The following TK2 variants were observed in gnomAD, a reference collection of about 807,000 sequenced individuals.
TK2 encodes thymidine kinase 2, mitochondrial.
In TK2, 35 loss-of-function variants were observed where a neutral mutation model predicts 41.9. That is an observed-to-expected ratio of 0.84 (90% CI 0.64 to 1.11). The LOEUF (loss-of-function observed/expected upper bound fraction) is 1.11, where lower values mean the gene tolerates loss of function less well. Ranked by LOEUF, TK2 falls within the 50% of genes least tolerant of loss-of-function variation. The pLI, the probability that TK2 is intolerant of heterozygous loss-of-function variation, is 0.00. For missense variants in TK2, 320 were observed against 351.1 expected, an observed-to-expected ratio of 0.91 and a Z score of 0.71; for synonymous variants, 128 against 129.1, an observed-to-expected ratio of 0.99 and a Z score of 0.06.
intron 3 of TK2, among the ~76,000 whole-genome samples, chr16:66,539,549 C>T (rs566359891): frequency 2.2e-4 from 32 of 143,340 alleles, no homozygotes; most frequent in African/African-American, 7.3e-4. Context: ...TGCAGTGAGC[C>T]GAGATCATGC....
chr16:66,544,030 C>T (rs1965534028), intron 2 of TK2, among the ~76,000 whole-genome samples: 1 of 152,172 alleles, frequency 6.6e-6, no homozygotes, highest in Non-Finnish European at 1.5e-5. Flanking sequence ...AAGAGCTCAA[C>T]CTAGACATCA....
intron 9 of TK2, 34 bp from the exon 10 acceptor site, chr16:66,512,100 C>T (rs756423605): frequency 8.9e-6 from 14 of 1,571,710 alleles, no homozygotes; most frequent in Non-Finnish European, 1.1e-5. Context: ...CAAGGCTGCA[C>T]TGACCTCAGC....
intron 8 of TK2, among the ~76,000 whole-genome samples, chr16:66,516,195 G>A (rs975143296): frequency 2.0e-5 from 3 of 152,082 alleles, no homozygotes; most frequent in Non-Finnish European, 4.4e-5. Flanking sequence ...TGGGTTTGGG[G>A]GGGGTTACAA....
Position 66,508,028 on chromosome 16 carries a change from A to C in TK2, c.*3940T>G, listed in dbSNP as rs1183947067. The stretch of plus-strand genomic sequence containing the variant: ...TGAATGGAAAATGGTTTATTTGACC[A>C]CTCTCTTATGTATGCATCTTTAGAT... On this transcript the variant is annotated 3_prime_UTR_variant, in exon 10 of 10. Coordinates refer to ENST00000544898, the MANE Select transcript of TK2 (RefSeq NM_004614.5). 1 of 152,008 alleles carries C rather than the reference A, an allele frequency of 6.6e-6. No individual in the cohort carries two copies. Among genetic ancestry groups the C allele is most frequent in the Non-Finnish European group, 1.5e-5 (1 of 68,000 alleles). The allele number at this position is 152,008 out of a possible 1,614,324, so 9.4% of individuals were successfully genotyped here.
At chr16:66,543,762 T>TA (rs1376551806) in intron 2 of TK2, among the ~76,000 whole-genome samples, 1 of 152,032 alleles carries the variant, frequency 6.6e-6, no homozygotes, top group Admixed American at 6.5e-5. Context: ...CCGACCCCAC[T>TA]AAAGTCTCCC....
chr16:66,542,096 G>C, intron 2 of TK2, 143 bp from the exon 3 acceptor site: 2 of 838,752 alleles, frequency 2.4e-6, no homozygotes, highest in Non-Finnish European at 4.0e-6. Context: ...ATCCCTCCTC[G>C]GGAAACTGGC....
chr16:66,535,283 T>C (rs975046707), intron 4 of TK2, among the ~76,000 whole-genome samples: 2 of 152,220 alleles, frequency 1.3e-5, no homozygotes. Flanking sequence ...GAAACTCTCA[T>C]TGAAAAGGCT....
intron 2 of TK2, among the ~76,000 whole-genome samples, chr16:66,544,857 G>A (rs1026205454): frequency 3.3e-5 from 5 of 152,084 alleles, no homozygotes; most frequent in Non-Finnish European, 5.9e-5. Context: ...GGAGGCCGAG[G>A]CAGGGGATCA....
chr16:66,537,518 C>T (rs28171), intron 3 of TK2, among the ~76,000 whole-genome samples: 15,563 of 152,280 alleles, frequency 0.1, 985 homozygotes, highest in Middle Eastern at 0.22. Flanking sequence ...CTTTAGTACG[C>T]TCCCTGTCTC....
intron 6 of TK2, among the ~76,000 whole-genome samples, chr16:66,527,593 G>C (rs1222223636): frequency 2.0e-5 from 3 of 152,176 alleles, no homozygotes; most frequent in Non-Finnish European, 4.4e-5. Flanking sequence ...TTATGGTCCG[G>C]GGGGGTGGGT....
At chr16:66,532,129 CAA>C (rs11334281) in intron 4 of TK2, among the ~76,000 whole-genome samples, 9,209 of 75,504 alleles carry the variant, frequency 0.12, 430 homozygotes, top group South Asian at 0.3. Flanking sequence ...TTGAAATGAC[CAA>C]AAAAAAAAAA....
intron 6 of TK2, among the ~76,000 whole-genome samples, chr16:66,520,808 T>G (rs531716252): frequency 2.6e-5 from 4 of 152,322 alleles, no homozygotes; most frequent in South Asian, 4.1e-4. Flanking sequence ...CTCCGAATAT[T>G]TGATGTTCAA....
chr16:66,547,855 C>T (rs1234069443), intron 2 of TK2: 4 of 1,211,760 alleles, frequency 3.3e-6, no homozygotes, highest in South Asian at 1.5e-5. Flanking sequence ...TTTCTATGAA[C>T]TAGCTATTGT....
chr16:66,536,199 T>C (rs534966632), intron 4 of TK2, among the ~76,000 whole-genome samples: 4 of 129,566 alleles, frequency 3.1e-5, no homozygotes, highest in East Asian at 4.8e-4. Context: ...TGAGACTCCA[T>C]CTCAAAAAAA....
rs894289205 is a variant in TK2, at chr16:66,520,098, T to G, written c.450-2221A>C. On this transcript the variant is annotated intron_variant, in intron 6 of 9. Coordinates refer to ENST00000544898, the MANE Select transcript of TK2 (RefSeq NM_004614.5). ...GAACAGCAGCGGGGCCTGAGCAGAC[T>G]GCAGCACAGAGGCCAGGGCAGACCA... Among the ~76,000 whole-genome samples, 3 of 152,216 alleles carry G rather than the reference T, an allele frequency of 2.0e-5. No individual in the cohort carries two copies. In the East Asian group the frequency reaches 5.8e-4, roughly 29 times the overall value.
chr16:66,533,258 A>G (rs1212228016), intron 4 of TK2, among the ~76,000 whole-genome samples: 1 of 143,636 alleles, frequency 7.0e-6, no homozygotes, highest in African/African-American at 2.6e-5. Context: ...TTTTTAGTAG[A>G]GACGGGGTTT....
chr16:66,550,029 G>A lies in TK2; in HGVS notation c.33C>T (p.Ala11=), dbSNP rs1314879486. The change falls in exon 1 of 10, where the codon GCC becomes GCT. Residue 11 remains alanine, a synonymous_variant. Coordinates refer to ENST00000544898, the MANE Select transcript of TK2 (RefSeq NM_004614.5). MLLWPLRGWA[A]RALRCFGPGS... ...CCGGCCCAAAGCAGCGCAGCGCCCG[G>A]GCGGCCCAGCCCCGCAGCGGCCACA... 1 of 1,552,182 alleles carries A rather than the reference G, an allele frequency of 6.4e-7. No homozygotes were observed. Among genetic ancestry groups the A allele is most frequent in the Middle Eastern group, 1.9e-4 (1 of 5,222 alleles).
rs113215936 is a variant in TK2 at position 66,549,233 on chromosome 16, T to A, written c.125-224A>T. 24 of 1,411,692 alleles carry A rather than the reference T, an allele frequency of 1.7e-5. No homozygotes were observed. In the African/African-American group the frequency reaches 2.2e-4, roughly 13 times the overall value. The allele number at this position is 1,411,692 out of a possible 1,614,324, so 87.4% of individuals were successfully genotyped here. ...TTCGTGGACCCCCAGTGTGCTCGAG[T>A]TCTTTCACTTAGTACATTATACTTT... On this transcript the variant is annotated intron_variant, in intron 1 of 9. Transcript: ENST00000544898.
intron 6 of TK2, among the ~76,000 whole-genome samples, chr16:66,523,373 G>A (rs1363644011): frequency 3.3e-5 from 5 of 152,208 alleles, no homozygotes; most frequent in African/African-American, 1.2e-4. Flanking sequence ...ACATGCCACC[G>A]TGTGGTTCCC....
Sources: gnomAD v4.1 joint callset for allele counts (sites outside exome capture counted in the v4.1 genomes callset) on GRCh38, gnomAD v4.1.1 for gene constraint, MANE v1.5 for transcripts, NCBI Gene and HGNC (gene_info 2026-07-23, HGNC 2026-07-21) for gene names.